The following CASKIN1 variants were observed in gnomAD, a reference collection of about 807,000 sequenced individuals.
The protein encoded by CASKIN1 is caskin-1.
In CASKIN1, 42 loss-of-function variants were observed where a neutral mutation model predicts 117.5. That is an observed-to-expected ratio of 0.36 (90% CI 0.28 to 0.46). CASKIN1 has a LOEUF of 0.46. Ranked by LOEUF, CASKIN1 falls within the 20% of genes least tolerant of loss-of-function variation. CASKIN1 has a pLI of 1.00. For missense variants in CASKIN1, 2,083 were observed against 2,077.3 expected (o/e 1.00, Z -0.05); for synonymous variants, 1,148 against 961.7 (o/e 1.19, Z -3.59).
intron 3 of CASKIN1, 40 bp downstream of exon 3, chr16:2,190,033 C>G (rs769938269): frequency 2.6e-6 from 4 of 1,561,216 alleles, no homozygotes; most frequent in Non-Finnish European, 2.6e-6. Context: ...CCTCGCTGCC[C>G]CCGCCCCTGC....
In CASKIN1 at chr16:2,180,301, G is replaced by T; in HGVS notation, c.3067C>A (p.Pro1023Thr). ...IGGGGRAARR[P>T]PEGHPTPRPA... The stretch of plus-strand genomic sequence containing the variant: ...CGGGGAGTGGGGTGGCCCTCAGGAG[G>T]CCTGCGGGCAGCCCGGCCCCCACCC... The change falls in exon 18 of 20, where the codon CCT becomes ACT. Residue 1023 changes from proline (P) to threonine (T), a missense_variant. Physicochemically the swap from Pro to Thr is conservative, Grantham distance 38. Around this residue, in one of 3 missense-constraint regions of CASKIN1, gnomAD observed 1,818 missense variants for 1,688.9 expected, o/e 1.08. Coordinates refer to ENST00000343516, the MANE Select transcript of CASKIN1 (RefSeq NM_020764.4). 1 of 1,586,866 alleles carries T rather than the reference G, an allele frequency of 6.3e-7. No homozygotes were observed. Among genetic ancestry groups the T allele is most frequent in the Non-Finnish European group, 8.5e-7 (1 of 1,170,900 alleles).
intron 1 of CASKIN1, among the ~76,000 whole-genome samples, chr16:2,192,068 G>T (rs978308557): frequency 3.3e-5 from 5 of 152,172 alleles, no homozygotes; most frequent in Admixed American, 2.0e-4. Flanking sequence ...GAGGTGGGAG[G>T]ATCACTTGCA....
At position 2,178,020 on chromosome 16, in the gene CASKIN1, C is replaced by A; in HGVS notation, c.*530G>T. On this transcript the variant is annotated 3_prime_UTR_variant, in exon 20 of 20. Coordinates refer to ENST00000343516, the MANE Select transcript of CASKIN1 (RefSeq NM_020764.4). ...GTTGGTAAATGGTTTTCTATAGAAT[C>A]AATAATATTTCTTTCTTTAAATATA... The A allele has an allele frequency of 2.3e-6, 1 of 429,342 alleles. No individual in the cohort carries two copies. The highest frequency in any genetic ancestry group is 4.4e-6 in the Non-Finnish European group (1 of 228,194). The allele number at this position is 429,342 out of a possible 1,614,324, so 26.6% of individuals were successfully genotyped here.
In CASKIN1 at chr16:2,181,081, G is replaced by A. The variant is rs1373215719; in HGVS notation, c.2287C>T (p.Pro763Ser). The A allele has an allele frequency of 6.7e-7, 1 of 1,484,962 alleles. No individual in the cohort carries two copies. Among genetic ancestry groups the A allele is most frequent in the East Asian group, 2.4e-5 (1 of 41,642 alleles). The allele number at this position is 1,484,962 out of a possible 1,614,324, so 92.0% of individuals were successfully genotyped here. Residue 763 changes from proline (P) to serine (S), a missense_variant, in exon 18 of 20, where the codon CCA becomes TCA. This residue lies in a region of CASKIN1 where 1,818 missense variants were observed against 1,688.9 expected (regional missense o/e 1.08). Coordinates refer to ENST00000343516, the MANE Select transcript of CASKIN1 (RefSeq NM_020764.4). ...RASVPPVPGK[P>S]RQVLPPGTSH... ...GTGCCTGGTGGGAGGACCTGCCGTG[G>A]CTTGCCAGGCACGGGGGGCACGCTG... is the stretch of plus-strand genomic sequence containing the variant.
rs372615847 is a variant in CASKIN1, at chr16:2,186,966, G to A, written c.930+12C>T. The A allele has an allele frequency of 9.3e-6, 15 of 1,613,304 alleles. No homozygotes were observed. In the African/African-American group the frequency reaches 1.6e-4, roughly 17 times the overall value. ...CCCTCCCTGCTGAGATGGCCCCTGGGGCCATGCTTACTGTGATGATGTCCC... is the reference window on the plus strand; with the variant it reads ...CCCTCCCTGCTGAGATGGCCCCTGGAGCCATGCTTACTGTGATGATGTCCC... On this transcript the variant is annotated intron_variant, in intron 9 of 19. Coordinates refer to ENST00000343516, the MANE Select transcript of CASKIN1 (RefSeq NM_020764.4).
intron 10 of CASKIN1, 133 bp from the exon 11 acceptor site, chr16:2,185,541 AG>A (rs2093181515): frequency 1.4e-6 from 1 of 735,966 alleles, no homozygotes; most frequent in Non-Finnish European, 2.2e-6. Flanking sequence ...GGGAGCTGAT[AG>A]CCCCTCGGAA....
Position 2,183,817 on chromosome 16 carries a change from C to A in CASKIN1, c.1527+14G>T. Reference sequence around the variant, plus strand: ...TGGGACGCAGCTGGCGCTGGCGGCGCATGGAAAGCTCACCTCGGGAGTCAT... The same window carrying A: ...TGGGACGCAGCTGGCGCTGGCGGCGAATGGAAAGCTCACCTCGGGAGTCAT... On this transcript the variant is annotated intron_variant, in intron 15 of 19. Coordinates refer to ENST00000343516, the MANE Select transcript of CASKIN1 (RefSeq NM_020764.4). 1 of 1,612,000 alleles carries A rather than the reference C, an allele frequency of 6.2e-7. No individual in the cohort carries two copies. The highest frequency in any genetic ancestry group is 8.5e-7 in the Non-Finnish European group (1 of 1,178,948).
Position 2,178,353 on chromosome 16 carries a change from G to A in CASKIN1, c.*197C>T, listed in dbSNP as rs577874501. The stretch of plus-strand genomic sequence containing the variant: ...CAGGTGGGGAGGACCCGCGGGCGCA[G>A]GGTCTGCCTAGAGCCCTTGGAGCCC... On this transcript the variant is annotated 3_prime_UTR_variant, in exon 20 of 20. Coordinates refer to ENST00000343516, the MANE Select transcript of CASKIN1 (RefSeq NM_020764.4). The A allele has an allele frequency of 4.5e-5, 21 of 462,980 alleles. No individual in the cohort carries two copies. Among genetic ancestry groups the A allele is most frequent in the African/African-American group, 4.0e-4 (19 of 47,292 alleles). The allele number at this position is 462,980 out of a possible 1,614,324, so 28.7% of individuals were successfully genotyped here. A position where few individuals can be genotyped will look rare whatever the true frequency, so the allele number is the denominator to read the frequency against.
chr16:2,190,201 G>C (rs2093197517), intron 2 of CASKIN1, 31 bp from the exon 3 acceptor site: 2 of 1,610,474 alleles, frequency 1.2e-6, no homozygotes, highest in Admixed American at 1.7e-5. Flanking sequence ...ATAGAGCAGA[G>C]GCCCTGGCGC....
At position 2,186,774 on chromosome 16, in the gene CASKIN1, G is replaced by A. The variant is rs1249254381; in HGVS notation, c.981C>T (p.Asn327=). 1.9e-6 allele frequency: 3 copies of A among 1,612,932 alleles called. No homozygotes were observed. The highest frequency in any genetic ancestry group is 2.2e-5 in the East Asian group (1 of 44,892). The part of the protein sequence containing the change: ...DGRWKGCIHD[N]RTGNDRVGYF... ...AGCCCACCCGGTCATTGCCCGTCCG[G>A]TTGTCATGGATGCAGCCCTTCCACC... The change falls in exon 10 of 20, where the codon AAC becomes AAT. Residue 327 remains asparagine (N), a synonymous_variant. Coordinates refer to ENST00000343516, the MANE Select transcript of CASKIN1 (RefSeq NM_020764.4).
Position 2,179,132 on chromosome 16 carries a change from G to A in CASKIN1, c.3969C>T (p.Ala1323=), listed in dbSNP as rs1293903208. 2 of 1,032,982 alleles carry A rather than the reference G, an allele frequency of 1.9e-6. No individual in the cohort carries two copies. 64.0% of individuals were successfully genotyped at this position (1,032,982 alleles called of 1,614,324 possible). A position where few individuals can be genotyped will look rare whatever the true frequency, so the allele number is the denominator to read the frequency against. ...KPPGTPPSLG[A]SPAKPPSPGA... ...CGGGGGACGGGGGCTTGGCGGGGCT[G>A]GCGCCCAGCGAGGGCGGCGTACCGG... Residue 1323 remains alanine (A), a synonymous_variant, in exon 19 of 20, where the codon GCC becomes GCT. Transcript: ENST00000343516. The surrounding 1 kb of genome is among the most constrained non-coding windows in gnomAD (Gnocchi z 5.8).
chr16:2,194,566 A>T (rs1462807606), intron 1 of CASKIN1, among the ~76,000 whole-genome samples: 2 of 152,200 alleles, frequency 1.3e-5, no homozygotes, highest in African/African-American at 4.8e-5. Flanking sequence ...GCCCAAACTC[A>T]GCTGTACTTT....
chr16:2,180,160 C>T lies in CASKIN1; in HGVS notation c.3208G>A (p.Val1070Ile), dbSNP rs778442847. ...VNRRRTLSGPVTGLLATARRG... is the reference protein window; with the variant it reads ...VNRRRTLSGPITGLLATARRG... ...CGGGCAGTGGCCAGAAGTCCGGTGA[C>T]TGGCCCGCTGAGCGTGCGGCGCCGG... The change falls in exon 18 of 20, where the codon GTC becomes ATC. Residue 1070 changes from valine (V) to isoleucine (I), a missense_variant. By Grantham distance (29) the Val-to-Ile change is conservative. Around this residue, in one of 3 missense-constraint regions of CASKIN1, gnomAD observed 1,818 missense variants for 1,688.9 expected, o/e 1.08. Coordinates refer to ENST00000343516, the MANE Select transcript of CASKIN1 (RefSeq NM_020764.4). 1.9e-6 allele frequency: 3 copies of T among 1,553,100 alleles called. No individual in the cohort carries two copies. The highest frequency in any genetic ancestry group is 2.6e-6 in the Non-Finnish European group (3 of 1,149,330).
intron 6 of CASKIN1, 51 bp from the exon 7 acceptor site, chr16:2,187,512 C>G: frequency 6.9e-7 from 1 of 1,459,854 alleles, no homozygotes; most frequent in Non-Finnish European, 9.4e-7. Flanking sequence ...GGAGGCCGGC[C>G]CCAGCACCCC....
In CASKIN1 at chr16:2,181,374, A is replaced by G; in HGVS notation, c.1994T>C (p.Met665Thr). The G allele has an allele frequency of 2.5e-6, 4 of 1,609,118 alleles. No individual in the cohort carries two copies. Among genetic ancestry groups the G allele is most frequent in the South Asian group, 1.1e-5 (1 of 90,706 alleles). ...SELSDELQAAMTGPAEVGPTT... is the reference protein window; with the variant it reads ...SELSDELQAATTGPAEVGPTT... ...GGGCCCCACCTCAGCCGGGCCAGTC[A>G]TGGCAGCCTGCAGCTCGTCACTGAG... The change falls in exon 18 of 20, where the codon ATG (methionine) becomes ACG (threonine). Residue 665 changes from methionine to threonine, a missense_variant. Physicochemically the swap from Met to Thr is moderately conservative, Grantham distance 81. Around this residue, in one of 3 missense-constraint regions of CASKIN1, gnomAD observed 1,818 missense variants for 1,688.9 expected, o/e 1.08. Transcript: ENST00000343516.
rs2093172431 is a variant in CASKIN1 at position 2,182,862 on chromosome 16, C to T, written c.1629+784G>A. On this transcript the variant is annotated intron_variant, in intron 16 of 19. Transcript: ENST00000343516. This position sits in a 1 kb window ranked among gnomAD's most constrained non-coding sequence, Gnocchi z 4.1. ...CTGGAGTGCAGTGGCGCAATCTCGGCTCACTGCAAGCTCCGCCTCCCGGGT... is the reference window on the plus strand; with the variant it reads ...CTGGAGTGCAGTGGCGCAATCTCGGTTCACTGCAAGCTCCGCCTCCCGGGT... 6.6e-6 allele frequency among the ~76,000 whole-genome samples: 1 copy of T among 152,268 alleles called. No individual in the cohort carries two copies. The highest frequency in any genetic ancestry group is 2.1e-4 in the South Asian group (1 of 4,832).
In CASKIN1 at chr16:2,179,519, A is replaced by G; in HGVS notation, c.3775+74T>C. 1.4e-6 allele frequency: 2 copies of G among 1,398,464 alleles called. No homozygotes were observed. Among genetic ancestry groups the G allele is most frequent in the Non-Finnish European group, 1.9e-6 (2 of 1,077,780 alleles). 86.6% of individuals were successfully genotyped at this position (1,398,464 alleles called of 1,614,324 possible). On this transcript the variant is annotated intron_variant, in intron 18 of 19. Transcript: ENST00000343516. The surrounding 1 kb of genome is among the most constrained non-coding windows in gnomAD (Gnocchi z 5.8). Reference sequence around the variant, plus strand: ...GCTTCCATCAAACCCAAGAAAAGGAAAACCCCTCAGACCACCGAGTAAGGA... The same window carrying G: ...GCTTCCATCAAACCCAAGAAAAGGAGAACCCCTCAGACCACCGAGTAAGGA...
rs775721134 is a variant in CASKIN1, at chr16:2,180,932, C to T, written c.2436G>A (p.Pro812=). The T allele has an allele frequency of 1.3e-5, 19 of 1,460,966 alleles. No homozygotes were observed. The highest frequency in any genetic ancestry group is 1.9e-4 in the Middle Eastern group (1 of 5,238). 90.5% of individuals were successfully genotyped at this position (1,460,966 alleles called of 1,614,324 possible). Residue 812 remains proline, a synonymous_variant, in exon 18 of 20, where the codon CCG becomes CCA. Coordinates refer to ENST00000343516, the MANE Select transcript of CASKIN1 (RefSeq NM_020764.4). ...AKVKPTPQLL[P]PTERPMSPRS... ...GGGGTGACATGGGGCGCTCTGTCGG[C>T]GGCAGCAGCTGCGGGGTGGGCTTCA...
At position 2,189,476 on chromosome 16, in the gene CASKIN1, C is replaced by A. The variant is rs200765849; in HGVS notation, c.333G>T (p.Pro111=). Residue 111 remains proline, a synonymous_variant, in exon 4 of 20, where the codon CCG becomes CCT. Coordinates refer to ENST00000343516, the MANE Select transcript of CASKIN1 (RefSeq NM_020764.4). ...GCAGGGGGATGTGGCCCTCATCAGA[C>A]GGGATGTTCACGGCCGAGCCCGCCT... ...VLKAGSAVNI[P]SDEGHIPLHL... 1 of 1,612,224 alleles carries A rather than the reference C, an allele frequency of 6.2e-7. No homozygotes were observed. Among genetic ancestry groups the A allele is most frequent in the South Asian group, 1.1e-5 (1 of 91,076 alleles).
Sources: allele counts gnomAD v4.1 joint callset (sites outside exome capture counted in the v4.1 genomes callset), GRCh38; gene constraint gnomAD v4.1.1; regional missense constraint gnomAD v4.1.1; non-coding constraint Gnocchi (gnomAD v3.1); transcripts MANE v1.5; gene names NCBI Gene and HGNC (gene_info 2026-07-23, HGNC 2026-07-21).